Variants in ULK4 observed in about 807,000 individuals in gnomAD.
ULK4 encodes inactive serine/threonine-protein kinase ULK4.
ULK4 carries 133 observed loss-of-function variants against 160.6 expected under a neutral mutation model. That is an observed-to-expected ratio of 0.83 (90% CI 0.72 to 0.96). The LOEUF is 0.96. Among genes scored for constraint, ULK4 ranks in the 40% least tolerant of loss-of-function variants. The pLI is 0.00. For synonymous variants in ULK4, 534 were observed against 539.8 expected (o/e 0.99, Z 0.15); for missense variants, 1,580 against 1,499.5 (o/e 1.05, Z -0.89).
rs191297378 is a variant in ULK4, at chr3:41,283,962, C to T, written c.3679-34388G>A. Among the ~76,000 whole-genome samples, 1,162 of 135,290 alleles carry T rather than the reference C, an allele frequency of 8.6e-3. 13 individuals carry two copies. The highest frequency in any genetic ancestry group is 0.035 in the African/African-American group (1,088 of 30,934). 88.8% of individuals were successfully genotyped at this position (135,290 alleles called of 152,430 possible). A position where few individuals can be genotyped will look rare whatever the true frequency, so the allele number is the denominator to read the frequency against. ...AACTCAACCCCTTTTACAATAGCTGCCAAAAATAAATAAATAAATAAATAA... is the reference window on the plus strand; with the variant it reads ...AACTCAACCCCTTTTACAATAGCTGTCAAAAATAAATAAATAAATAAATAA... On this transcript the variant is annotated intron_variant, in intron 35 of 36. Transcript: ENST00000301831.
At chr3:41,815,270 GCA>G (rs1390567893) in intron 19 of ULK4, among the ~76,000 whole-genome samples, 4 of 152,002 alleles carry the variant, frequency 2.6e-5, no homozygotes, top group African/African-American at 9.7e-5. Context: ...ATGATTGTTG[GCA>G]CAGTTTCATT....
At chr3:41,913,037 CATTTT>C (rs1229148436) in intron 8 of ULK4, 138 bp from the exon 9 acceptor site, 3 of 681,082 alleles carry the variant, frequency 4.4e-6, no homozygotes, top group Non-Finnish European at 7.3e-6. Context: ...TTTATTATTT[CATTTT>C]TGTATGCTAT....
intron 5 of ULK4, among the ~76,000 whole-genome samples, chr3:41,922,669 T>C (rs1699233227): frequency 6.6e-6 from 1 of 151,990 alleles, no homozygotes; most frequent in Non-Finnish European, 1.5e-5. Context: ...ACTGTTAGTC[T>C]GGGTCCCCCA....
intron 22 of ULK4, among the ~76,000 whole-genome samples, chr3:41,743,025 A>G (rs1473015994): frequency 6.6e-6 from 1 of 151,920 alleles, no homozygotes; most frequent in Non-Finnish European, 1.5e-5. Flanking sequence ...CAAAGAGGGG[A>G]AGAGAGAGAA....
At chr3:41,656,985 G>A (rs1431717804) in intron 30 of ULK4, among the ~76,000 whole-genome samples, 1 of 152,148 alleles carries the variant, frequency 6.6e-6, no homozygotes, top group Non-Finnish European at 1.5e-5. Flanking sequence ...TGGTTTTGGT[G>A]CAACCTACTG....
chr3:41,737,146 G>C (rs973623405), intron 22 of ULK4, among the ~76,000 whole-genome samples: 1 of 151,720 alleles, frequency 6.6e-6, no homozygotes, highest in Non-Finnish European at 1.5e-5. Context: ...AGCTTAAGCT[G>C]ATAAGAAACT....
intron 20 of ULK4, among the ~76,000 whole-genome samples, chr3:41,797,308 T>C (rs142977270): frequency 3.9e-5 from 6 of 152,268 alleles, no homozygotes; most frequent in Admixed American, 6.5e-5. Flanking sequence ...TGATCCTTTA[T>C]AGAAAATATT....
At chr3:41,399,374 G>A (rs889659688) in intron 34 of ULK4, among the ~76,000 whole-genome samples, 4 of 152,012 alleles carry the variant, frequency 2.6e-5, no homozygotes, top group African/African-American at 9.7e-5. Flanking sequence ...TGAGTTCTAA[G>A]AGTTCTTTAT....
At chr3:41,585,537 T>C (rs2030728800) in intron 31 of ULK4, among the ~76,000 whole-genome samples, 1 of 152,142 alleles carries the variant, frequency 6.6e-6, no homozygotes, top group South Asian at 2.1e-4. Flanking sequence ...ATTAAAGACA[T>C]AAATGTAAGC....
chr3:41,488,655 G>C (rs542207554), intron 32 of ULK4, among the ~76,000 whole-genome samples: 5 of 152,248 alleles, frequency 3.3e-5, no homozygotes, highest in Non-Finnish European at 5.9e-5. Context: ...AGTGAGTAAG[G>C]CTCCTATACA....
rs533256138 is a variant in ULK4, at chr3:41,882,428, T to C, written c.1656+1446A>G. Reference sequence around the variant, plus strand: ...TGATCATCTCAATTCAGACTAGCTTTTCTTCAAGCACTCAATAGCCATAGT... The same window carrying C: ...TGATCATCTCAATTCAGACTAGCTTCTCTTCAAGCACTCAATAGCCATAGT... On this transcript the variant is annotated intron_variant, in intron 17 of 36. Coordinates refer to ENST00000301831, the MANE Select transcript of ULK4 (RefSeq NM_017886.4). The C allele has an allele frequency of 2.6e-3, 1,653 of 628,350 alleles. 6 individuals carry two copies. The highest frequency in any genetic ancestry group is 4.0e-3 in the Non-Finnish European group (1,421 of 351,126). 38.9% of individuals were successfully genotyped at this position (628,350 alleles called of 1,614,324 possible). A position where few individuals can be genotyped will look rare whatever the true frequency, so the allele number is the denominator to read the frequency against.
chr3:41,706,513 C>T (rs867259761), intron 25 of ULK4, among the ~76,000 whole-genome samples: 31 of 150,060 alleles, frequency 2.1e-4, no homozygotes, highest in Admixed American at 1.3e-3. Flanking sequence ...TAAGTATAAG[C>T]GATTAGCCCA....
chr3:41,367,816 T>C (rs2081280942), intron 35 of ULK4, among the ~76,000 whole-genome samples: 1 of 152,186 alleles, frequency 6.6e-6, no homozygotes, highest in South Asian at 2.1e-4. Flanking sequence ...TTTTCACCAT[T>C]AGGATTTACA....
At chr3:41,939,178 T>TTTTA (rs1699875555) in intron 2 of ULK4, among the ~76,000 whole-genome samples, 1 of 127,330 alleles carries the variant, frequency 7.9e-6, no homozygotes, top group Non-Finnish European at 1.8e-5. Context: ...TTTTTTTTTT[T>TTTTA]GAGGAGGAGT....
intron 35 of ULK4, among the ~76,000 whole-genome samples, chr3:41,292,813 G>A (rs2079597030): frequency 6.6e-6 from 1 of 151,804 alleles, no homozygotes; most frequent in Admixed American, 6.6e-5. Context: ...GTGTGGTGGT[G>A]CATGTCTGTA....
chr3:41,721,682 A>G (rs1388749427), intron 22 of ULK4, among the ~76,000 whole-genome samples: 1 of 151,976 alleles, frequency 6.6e-6, no homozygotes, highest in Non-Finnish European at 1.5e-5. Flanking sequence ...TTTAAACATT[A>G]AGTAATATTG....
chr3:41,470,045 A>AAAAAAAAAAAAAT, intron 32 of ULK4, among the ~76,000 whole-genome samples: 1 of 119,392 alleles, frequency 8.4e-6, no homozygotes, highest in South Asian at 2.7e-4. Flanking sequence ...AAAAAAAAAA[A>AAAAAAAAAAAAAT]ACAAAGTATT....
At chr3:41,885,440 T>C (rs190967436) in intron 16 of ULK4, among the ~76,000 whole-genome samples, 1 of 152,300 alleles carries the variant, frequency 6.6e-6, no homozygotes, top group African/African-American at 2.4e-5. Flanking sequence ...CCTCACAGTA[T>C]AGGTTCCTTC....
At chr3:41,400,136 G>A (rs2888057) in intron 34 of ULK4, among the ~76,000 whole-genome samples, 22,032 of 152,032 alleles carry the variant, frequency 0.14, 1,941 homozygotes, top group African/African-American at 0.23. Context: ...CCCAATGGAA[G>A]CATCTTGTAT....
Sources: gnomAD v4.1 joint callset for allele counts (sites outside exome capture counted in the v4.1 genomes callset) on GRCh38, gnomAD v4.1.1 for gene constraint, MANE v1.5 for transcripts, NCBI Gene and HGNC (gene_info 2026-07-23, HGNC 2026-07-21) for gene names.